CRACD: variants seen among roughly 807,000 people sequenced by gnomAD.
CRACD encodes the protein capping protein-inhibiting regulator of actin dynamics.
CRACD carries 56 observed loss-of-function variants against 106.8 expected under a neutral mutation model. The observed-to-expected ratio is 0.52, with a 90% CI of 0.42 to 0.66. The LOEUF (loss-of-function observed/expected upper bound fraction) is 0.66, where lower values mean the gene tolerates loss of function less well. CRACD is among the 30% of genes least tolerant of loss of function. CRACD has a pLI of 0.00. For missense variants in CRACD, 1,730 were observed against 1,623.2 expected (o/e 1.07, Z -1.13); for synonymous variants, 754 against 670.8 (o/e 1.12, Z -1.92).
chr4:56,189,400 A>T (rs995323492), intron 2 of CRACD, among the ~76,000 whole-genome samples: 26 of 152,120 alleles, frequency 1.7e-4, no homozygotes, highest in Admixed American at 6.5e-5. Context: ...TTTTAAAAAA[A>T]TTTTATTATT....
chr4:56,312,938 T>A (rs1026350071), intron 6 of CRACD, among the ~76,000 whole-genome samples: 16 of 152,210 alleles, frequency 1.1e-4, no homozygotes, highest in Non-Finnish European at 2.2e-4. Context: ...CTCATATTAG[T>A]CAAAGTAGGA....
At chr4:56,086,059 C>T (rs1733209180) in intron 1 of CRACD, among the ~76,000 whole-genome samples, 1 of 152,126 alleles carries the variant, frequency 6.6e-6, no homozygotes, top group Non-Finnish European at 1.5e-5. Flanking sequence ...CCTAGAGAAG[C>T]AAACAGATGA....
intron 8 of CRACD, among the ~76,000 whole-genome samples, chr4:56,322,044 A>G (rs1389224599): frequency 6.6e-6 from 1 of 152,250 alleles, no homozygotes. Context: ...GTAAACTTCT[A>G]TTGGATTTCA....
At chr4:56,096,105 T>C (rs931961065) in intron 1 of CRACD, among the ~76,000 whole-genome samples, 6 of 152,008 alleles carry the variant, frequency 3.9e-5, no homozygotes, top group African/African-American at 9.7e-5. Context: ...AGGTTCAGTT[T>C]TGGACATAGT....
chr4:56,314,333 G>A lies in CRACD; in HGVS notation c.831G>A (p.Gln277=), dbSNP rs2109767864. The A allele has an allele frequency of 6.4e-7, 1 of 1,550,608 alleles. No homozygotes were observed. The highest frequency in any genetic ancestry group is 2.4e-5 in the East Asian group (1 of 40,930). The change falls in exon 8 of 11, where the codon CAG becomes CAA. Residue 277 remains glutamine, a synonymous_variant. Coordinates refer to ENST00000682029, the MANE Select transcript of CRACD (RefSeq NM_001393381.1). The surrounding 1 kb of genome is among the most constrained non-coding windows in gnomAD (Gnocchi z 4.4). ...TCTTGGAGGAGGAGGGCGAGGGGCAGGAGCCGCCTCTAGAGGCGGAAAGGG... is the reference window on the plus strand; with the variant it reads ...TCTTGGAGGAGGAGGGCGAGGGGCAAGAGCCGCCTCTAGAGGCGGAAAGGG... ...QELLEEEGEG[Q]EPPLEAERAP...
At chr4:56,082,893 A>G (rs1291195848) in intron 1 of CRACD, among the ~76,000 whole-genome samples, 3 of 152,218 alleles carry the variant, frequency 2.0e-5, no homozygotes, top group African/African-American at 7.2e-5. Context: ...CATCAGGAGA[A>G]AAAGTGCATT....
chr4:56,227,194 T>C (rs1739348229), intron 2 of CRACD, among the ~76,000 whole-genome samples: 1 of 152,226 alleles, frequency 6.6e-6, no homozygotes, highest in Admixed American at 6.5e-5. Context: ...AATCTGCTAC[T>C]TCCTGCAGTC....
chr4:56,097,215 T>C (rs1353284361), intron 1 of CRACD, among the ~76,000 whole-genome samples: 3 of 152,106 alleles, frequency 2.0e-5, no homozygotes, highest in African/African-American at 7.2e-5. Context: ...TATCATCAGC[T>C]GAGAGTGAGG....
intron 1 of CRACD, among the ~76,000 whole-genome samples, chr4:56,148,413 C>T (rs1735469685): frequency 1.3e-5 from 2 of 152,154 alleles, no homozygotes; most frequent in South Asian, 4.1e-4. Context: ...ACCTCAGCCT[C>T]CTGAGGAGCT....
chr4:56,221,778 G>A (rs949554030), intron 2 of CRACD, among the ~76,000 whole-genome samples: 5 of 152,086 alleles, frequency 3.3e-5, no homozygotes, highest in Admixed American at 3.3e-4. Flanking sequence ...AGAAACATGT[G>A]AAAAAAGGCC....
At chr4:56,248,749 C>T (rs1416803638) in intron 2 of CRACD, among the ~76,000 whole-genome samples, 1 of 126,052 alleles carries the variant, frequency 7.9e-6, no homozygotes, top group Non-Finnish European at 1.6e-5. Flanking sequence ...CAACAGTCCC[C>T]AGAGTGTGAT....
At chr4:56,291,898 A>G (rs573134726) in intron 3 of CRACD, among the ~76,000 whole-genome samples, 3 of 152,378 alleles carry the variant, frequency 2.0e-5, no homozygotes, top group Admixed American at 6.5e-5. Flanking sequence ...GGGCATTGCT[A>G]TAAAGATACC....
chr4:56,315,852 G>C lies in CRACD; in HGVS notation c.2350G>C (p.Asp784His), dbSNP rs773168816. Residue 784 changes from aspartate (D) to histidine (H), a missense_variant, in exon 8 of 11, where the codon GAC (aspartate) becomes CAC (histidine). By Grantham distance (81) the Asp-to-His change is moderately conservative. This residue lies in a region of CRACD where 1,620 missense variants were observed against 1,481.6 expected (regional missense o/e 1.09). Transcript: ENST00000682029. The surrounding 1 kb of genome is among the most constrained non-coding windows in gnomAD (Gnocchi z 4.1). ...EKSEMHREPA[D>H]TTEGCKFAKD... ...GTCGGAGATGCACCGGGAGCCCGCA[G>C]ACACCACCGAGGGATGCAAATTTGC... 1 of 1,614,098 alleles carries C rather than the reference G, an allele frequency of 6.2e-7. No homozygotes were observed. Among genetic ancestry groups the C allele is most frequent in the Non-Finnish European group, 8.5e-7 (1 of 1,180,062 alleles).
intron 1 of CRACD, among the ~76,000 whole-genome samples, chr4:56,167,568 A>G (rs992394874): frequency 1.3e-5 from 2 of 152,166 alleles, no homozygotes; most frequent in Admixed American, 6.5e-5. Context: ...CTCTGCTTCT[A>G]TGATTTGGAT....
chr4:56,217,760 C>T (rs145198177), intron 2 of CRACD, among the ~76,000 whole-genome samples: 1 of 152,356 alleles, frequency 6.6e-6, no homozygotes, highest in African/African-American at 2.4e-5. Context: ...TTGACCACCA[C>T]TTTCCCTCGA....
At chr4:56,110,746 G>A (rs62308626) in intron 1 of CRACD, among the ~76,000 whole-genome samples, 1 of 152,064 alleles carries the variant, frequency 6.6e-6, no homozygotes, top group East Asian at 1.9e-4. Context: ...ACAGGCACCC[G>A]CCATCACGCC....
chr4:56,109,250 A>G (rs1413100947), intron 1 of CRACD, among the ~76,000 whole-genome samples: 1 of 152,260 alleles, frequency 6.6e-6, no homozygotes, highest in African/African-American at 2.4e-5. Context: ...ACGAAGAGTA[A>G]TATTAAAAGC....
At chr4:56,111,732 C>T (rs1050185257) in intron 1 of CRACD, among the ~76,000 whole-genome samples, 1 of 152,046 alleles carries the variant, frequency 6.6e-6, no homozygotes, top group African/African-American at 2.4e-5. Flanking sequence ...GTTGGCCAGG[C>T]TGGTCTCGAA....
intron 1 of CRACD, among the ~76,000 whole-genome samples, chr4:56,061,478 T>G (rs1040682901): frequency 6.6e-6 from 1 of 151,912 alleles, no homozygotes; most frequent in Non-Finnish European, 1.5e-5. Context: ...CTGGCCCAAA[T>G]ATCTCATGTA....
Sources: allele counts gnomAD v4.1 joint callset (sites outside exome capture counted in the v4.1 genomes callset), GRCh38; gene constraint gnomAD v4.1.1; regional missense constraint gnomAD v4.1.1; non-coding constraint Gnocchi (gnomAD v3.1); transcripts MANE v1.5; gene names NCBI Gene and HGNC (gene_info 2026-07-23, HGNC 2026-07-21).